CFHR4: variants seen among roughly 807,000 people sequenced by gnomAD.
CFHR4 encodes the protein complement factor H-related protein 4.
A neutral mutation model predicts 69.3 loss-of-function variants in CFHR4; 64 were observed. The ratio of observed to expected loss-of-function variants is 0.92; its 90% CI spans 0.76 to 1.14. The LOEUF is 1.14. CFHR4 is among the 50% of genes most tolerant of loss of function. The pLI, the probability that CFHR4 is intolerant of heterozygous loss-of-function variation, is 0.00. For missense variants in CFHR4, 636 were observed against 684.9 expected (o/e 0.93, Z 0.80); for synonymous variants, 244 against 237.0 (o/e 1.03, Z -0.27).
intron 1 of CFHR4, among the ~76,000 whole-genome samples, chr1:196,899,442 T>C (rs1325219518): frequency 6.6e-6 from 1 of 151,526 alleles, no homozygotes; most frequent in East Asian, 1.9e-4. Flanking sequence ...TATAGGCATG[T>C]GCCACCATGC....
At chr1:196,911,227 C>G (rs1658254975) in intron 6 of CFHR4, among the ~76,000 whole-genome samples, 1 of 151,498 alleles carries the variant, frequency 6.6e-6, no homozygotes. Flanking sequence ...GCTTTCAGTT[C>G]CAAATGTGTC....
chr1:196,904,763 A>G (rs1006678548), intron 2 of CFHR4, among the ~76,000 whole-genome samples: 8 of 151,614 alleles, frequency 5.3e-5, no homozygotes, highest in African/African-American at 1.9e-4. Flanking sequence ...AATGAAGTCT[A>G]AGACCTCTTA....
intron 8 of CFHR4, 122 bp downstream of exon 8, chr1:196,914,793 T>C (rs1397880455): frequency 1.4e-6 from 2 of 1,437,452 alleles, no homozygotes; most frequent in East Asian, 2.5e-5. Flanking sequence ...CCTATGAGTG[T>C]GAATTATCTT....
intron 1 of CFHR4, among the ~76,000 whole-genome samples, chr1:196,893,096 G>C (rs1363616535): frequency 6.6e-6 from 1 of 151,650 alleles, no homozygotes; most frequent in Non-Finnish European, 1.5e-5. Context: ...TAGCATATCT[G>C]TAATAATATA....
At position 196,918,422 on chromosome 1, in the gene CFHR4, C is replaced by T; in HGVS notation, c.*16C>T. 1 of 1,602,080 alleles carries T rather than the reference C, an allele frequency of 6.2e-7. No homozygotes were observed. The highest frequency in any genetic ancestry group is 8.5e-7 in the Non-Finnish European group (1 of 1,170,858). ...ATGCGAATAAGGCAGCATTGTTACC[C>T]TAAATGTATGTCCAACTTCCACTTC... On this transcript the variant is annotated 3_prime_UTR_variant, in exon 10 of 10. Transcript: ENST00000608469.
chr1:196,904,473 T>A (rs1372873374), intron 2 of CFHR4, among the ~76,000 whole-genome samples: 1 of 151,456 alleles, frequency 6.6e-6, no homozygotes, highest in African/African-American at 2.4e-5. Context: ...AATTACTACC[T>A]TATACATATA....
chr1:196,911,537 G>T (rs997562182), intron 6 of CFHR4, among the ~76,000 whole-genome samples: 3 of 151,400 alleles, frequency 2.0e-5, no homozygotes, highest in Non-Finnish European at 4.4e-5. Context: ...CTGATCTTCA[G>T]TTATAGCTGA....
At chr1:196,917,277 T>G (rs1256549667) in intron 9 of CFHR4, among the ~76,000 whole-genome samples, 2 of 151,888 alleles carry the variant, frequency 1.3e-5, no homozygotes, top group African/African-American at 2.4e-5. Flanking sequence ...ATGAAAAGCT[T>G]GCTATGTAAG....
At position 196,900,498 on chromosome 1, in the gene CFHR4, T is replaced by C. The variant is rs758484022; in HGVS notation, c.59-1920T>C. 1.3e-5 allele frequency among the ~76,000 whole-genome samples: 2 copies of C among 151,328 alleles called. 1 individual carries two copies. Among genetic ancestry groups the C allele is most frequent in the Non-Finnish European group, 2.9e-5 (2 of 67,930 alleles). ...TTTGAAAAGAAATCTCAGCAGACTA[T>C]GTTATTTACATTCTATGAAACACCA... On this transcript the variant is annotated intron_variant, in intron 1 of 9. Coordinates refer to ENST00000608469, the MANE Select transcript of CFHR4 (RefSeq NM_001201550.3).
At chr1:196,903,666 A>C (rs944047326) in intron 2 of CFHR4, among the ~76,000 whole-genome samples, 1 of 150,168 alleles carries the variant, frequency 6.7e-6, no homozygotes, top group Non-Finnish European at 1.5e-5. Context: ...AAAAGAAAAA[A>C]ACACATATAT....
intron 9 of CFHR4, among the ~76,000 whole-genome samples, chr1:196,915,384 TC>T (rs1054810315): frequency 6.6e-6 from 1 of 151,402 alleles, no homozygotes. Context: ...ACGCCTGTAG[TC>T]CCAGCACTTT....
Position 196,910,272 on chromosome 1 carries a change from T to G in CFHR4, c.800-9T>G, listed in dbSNP as rs562079661. 1 of 1,550,666 alleles carries G rather than the reference T, an allele frequency of 6.4e-7. No individual in the cohort carries two copies. The highest frequency in any genetic ancestry group is 1.2e-5 in the South Asian group (1 of 81,758). ...CATTATTTATACTATTTTTGTTTTT[T>G]GTTACAAGCAATGAAACCTTGTGAG... On this transcript the variant is annotated splice_polypyrimidine_tract_variant and intron_variant, in intron 5 of 9. Coordinates refer to ENST00000608469, the MANE Select transcript of CFHR4 (RefSeq NM_001201550.3).
chr1:196,895,896 A>G (rs139086885), intron 1 of CFHR4, among the ~76,000 whole-genome samples: 3 of 151,416 alleles, frequency 2.0e-5, no homozygotes, highest in Non-Finnish European at 4.4e-5. Context: ...CTCCTTCTAC[A>G]TGTTTGTTGA....
intron 2 of CFHR4, among the ~76,000 whole-genome samples, chr1:196,903,838 A>G (rs1260205922): frequency 2.0e-5 from 3 of 151,460 alleles, no homozygotes; most frequent in Non-Finnish European, 4.4e-5. Context: ...GCTTGCCCAA[A>G]GGTCACTTGT....
chr1:196,907,209 T>A (rs1657959995), intron 4 of CFHR4, 107 bp from the exon 5 acceptor site: 1 of 1,228,020 alleles, frequency 8.1e-7, no homozygotes, highest in South Asian at 1.4e-5. Flanking sequence ...ACAAATGTCT[T>A]CCTAAGAAAT....
intron 1 of CFHR4, among the ~76,000 whole-genome samples, chr1:196,902,121 C>T (rs977574603): frequency 1.3e-5 from 2 of 151,476 alleles, no homozygotes; most frequent in East Asian, 3.9e-4. Flanking sequence ...GACAGATGAG[C>T]TGAATGGTAA....
In CFHR4 at chr1:196,896,452, A is replaced by G. The variant is rs145565359; in HGVS notation, c.59-5966A>G. 3.6e-4 allele frequency among the ~76,000 whole-genome samples: 54 copies of G among 151,674 alleles called. 3 individuals carry two copies. The highest frequency in any genetic ancestry group is 1.2e-3 in the African/African-American group (51 of 41,184). On this transcript the variant is annotated intron_variant, in intron 1 of 9. Coordinates refer to ENST00000608469, the MANE Select transcript of CFHR4 (RefSeq NM_001201550.3). ...GGGAGGGGCTTGCAACAATGGAGAA[A>G]GCCGAAAAACAATGGCCGCCTATCT...
intron 1 of CFHR4, among the ~76,000 whole-genome samples, chr1:196,893,072 G>A (rs1293762635): frequency 1.3e-5 from 2 of 151,666 alleles, no homozygotes; most frequent in East Asian, 1.9e-4. Context: ...CCACTGCGTG[G>A]TTCACCCACC....
At chr1:196,911,057 G>A (rs1469290911) in intron 6 of CFHR4, among the ~76,000 whole-genome samples, 1 of 151,310 alleles carries the variant, frequency 6.6e-6, no homozygotes, top group Non-Finnish European at 1.5e-5. Flanking sequence ...AGGATGAATG[G>A]TCTCCTCCTC....
Sources: allele counts gnomAD v4.1 joint callset (sites outside exome capture counted in the v4.1 genomes callset), GRCh38; gene constraint gnomAD v4.1.1; transcripts MANE v1.5; gene names NCBI Gene and HGNC (gene_info 2026-07-23, HGNC 2026-07-21).